OSBPL9: variants seen among roughly 807,000 people sequenced by gnomAD.
The protein encoded by OSBPL9 is oxysterol-binding protein-related protein 9.
OSBPL9 carries 40 observed loss-of-function variants against 106.6 expected under a neutral mutation model. The observed-to-expected ratio is 0.38, with a 90% confidence interval of 0.29 to 0.49. OSBPL9 has a LOEUF of 0.49. Among genes scored for constraint, OSBPL9 ranks in the 20% least tolerant of loss-of-function variants. The pLI is 0.97. For missense variants in OSBPL9, 609 were observed against 887.2 expected, an observed-to-expected ratio of 0.69 and a Z score of 3.98; for synonymous variants, 269 against 295.4, an observed-to-expected ratio of 0.91 and a Z score of 0.92.
intron 3 of OSBPL9, among the ~76,000 whole-genome samples, chr1:51,689,338 T>C (rs1350492263): frequency 6.6e-6 from 1 of 152,190 alleles, no homozygotes; most frequent in Non-Finnish European, 1.5e-5. Flanking sequence ...TTAGTTTCTT[T>C]CCTGAATTTT....
intron 4 of OSBPL9, among the ~76,000 whole-genome samples, chr1:51,726,465 T>A (rs1557746297): frequency 6.6e-6 from 1 of 152,176 alleles, no homozygotes; most frequent in Non-Finnish European, 1.5e-5. Context: ...GTGTCTGGGG[T>A]GACATTAGAG....
At chr1:51,709,108 G>A (rs1659249359) in intron 3 of OSBPL9, 1 of 152,364 alleles carries the variant, frequency 6.6e-6, no homozygotes, top group African/African-American at 2.4e-5. Flanking sequence ...TTACTGGCCG[G>A]AGGCATTGCC....
rs575842067 is a variant in OSBPL9 at position 51,692,795 on chromosome 1, G to A, written c.242-21208G>A. ...TCCTACCTTACCCTCCCAAAGTGATGGGATTACAGGAGTGAGCCACTGCAC... is the reference window on the plus strand; with the variant it reads ...TCCTACCTTACCCTCCCAAAGTGATAGGATTACAGGAGTGAGCCACTGCAC... On this transcript the variant is annotated intron_variant, in intron 3 of 23. Coordinates refer to ENST00000428468, the MANE Select transcript of OSBPL9 (RefSeq NM_024586.6). 1.8e-4 allele frequency among the ~76,000 whole-genome samples: 27 copies of A among 151,608 alleles called. 1 individual carries two copies. In the South Asian group the frequency reaches 5.6e-3, roughly 32 times the overall value.
At chr1:51,547,905 A>G in the OSBPL9 span, among the ~76,000 whole-genome samples, 2 of 151,784 alleles carry the variant, frequency 1.3e-5, no homozygotes, top group Non-Finnish European at 2.9e-5. Context: ...ATTGTCACCA[A>G]CCAAAGATGA....
intron 17 of OSBPL9, 26 bp downstream of exon 17, chr1:51,782,669 C>T (rs1051548264): frequency 1.3e-6 from 2 of 1,599,734 alleles, no homozygotes; most frequent in Non-Finnish European, 1.7e-6. Context: ...CCTCTGCAAC[C>T]TGTGCTCTCA....
chr1:51,574,260 T>C (rs531518380), upstream of OSBPL9, among the ~76,000 whole-genome samples: 2 of 152,342 alleles, frequency 1.3e-5, no homozygotes, highest in African/African-American at 4.8e-5. Context: ...TCTACTTTAA[T>C]ATCCTACTTC....
chr1:51,617,914 A>G (rs1368395547), intron 1 of OSBPL9, among the ~76,000 whole-genome samples: 1 of 152,052 alleles, frequency 6.6e-6, no homozygotes, highest in East Asian at 1.9e-4. Context: ...TTACAGTTAC[A>G]TTCTGGGTTC....
chr1:51,548,645 C>T, the OSBPL9 span, among the ~76,000 whole-genome samples: 5 of 152,216 alleles, frequency 3.3e-5, no homozygotes, highest in African/African-American at 1.2e-4. Context: ...CTGCCTCGAC[C>T]TCCCTCAGTC....
At chr1:51,712,223 C>G (rs1206940741) in intron 3 of OSBPL9, among the ~76,000 whole-genome samples, 4 of 152,224 alleles carry the variant, frequency 2.6e-5, no homozygotes, top group Non-Finnish European at 4.4e-5. Flanking sequence ...CCGGCCCGGC[C>G]AACACAGCGA....
chr1:51,595,153 G>A (rs927657330), intron 1 of OSBPL9, among the ~76,000 whole-genome samples: 12 of 152,176 alleles, frequency 7.9e-5, no homozygotes, highest in Admixed American at 5.9e-4. Flanking sequence ...GGGCACCACC[G>A]CTGAGAGCGC....
the OSBPL9 span, among the ~76,000 whole-genome samples, chr1:51,532,921 G>A: frequency 3.9e-5 from 6 of 152,158 alleles, no homozygotes; most frequent in Middle Eastern, 3.4e-3. Flanking sequence ...AGAAACAGGA[G>A]ATTTAGAAAG....
intron 3 of OSBPL9, among the ~76,000 whole-genome samples, chr1:51,683,297 C>T (rs1474808305): frequency 6.6e-6 from 1 of 152,010 alleles, no homozygotes; most frequent in Non-Finnish European, 1.5e-5. Context: ...TCTCCTGCCT[C>T]GGCCTCCAGA....
chr1:51,631,049 T>C (rs1043794411), intron 1 of OSBPL9, among the ~76,000 whole-genome samples: 5 of 152,230 alleles, frequency 3.3e-5, no homozygotes, highest in African/African-American at 1.2e-4. Context: ...GACACGAGGC[T>C]GGCCTCACTC....
At chr1:51,577,041 G>C (rs1035356397), upstream of OSBPL9, 1 of 152,150 alleles carries the variant, frequency 6.6e-6, no homozygotes, top group African/African-American at 2.4e-5. Flanking sequence ...GTATCCTCTT[G>C]GTGATCAGTG....
chr1:51,741,177 G>A (rs901813502), intron 4 of OSBPL9, among the ~76,000 whole-genome samples: 3 of 152,176 alleles, frequency 2.0e-5, no homozygotes, highest in Admixed American at 6.5e-5. Flanking sequence ...AGGAAGTACC[G>A]ACATACAGTT....
the OSBPL9 span, among the ~76,000 whole-genome samples, chr1:51,543,464 C>A: frequency 6.6e-6 from 1 of 152,132 alleles, no homozygotes; most frequent in African/African-American, 2.4e-5. Flanking sequence ...GGCGCCATCT[C>A]AGCTCACTGC....
At chr1:51,706,567 T>C (rs976889776) in intron 3 of OSBPL9, among the ~76,000 whole-genome samples, 1 of 151,954 alleles carries the variant, frequency 6.6e-6, no homozygotes, top group Non-Finnish European at 1.5e-5. Context: ...ATCTATTGAA[T>C]GTTTGCCCTC....
At chr1:51,588,114 G>A (rs949654372) in intron 1 of OSBPL9, among the ~76,000 whole-genome samples, 3 of 152,224 alleles carry the variant, frequency 2.0e-5, no homozygotes, top group South Asian at 2.1e-4. Flanking sequence ...CAAGCATGGT[G>A]GCTCATGCCT....
chr1:51,573,439 C>T (rs1645164038), upstream of OSBPL9, among the ~76,000 whole-genome samples: 1 of 146,084 alleles, frequency 6.8e-6, no homozygotes, highest in Non-Finnish European at 1.5e-5. Context: ...ACCTGGGAGG[C>T]CGAGGTTGTG....
Sources: gnomAD v4.1 joint callset for allele counts (sites outside exome capture counted in the v4.1 genomes callset) on GRCh38, gnomAD v4.1.1 for gene constraint, MANE v1.5 for transcripts, NCBI Gene and HGNC (gene_info 2026-07-23, HGNC 2026-07-21) for gene names.